Variants in OSCAR observed in about 807,000 individuals in gnomAD.
OSCAR encodes osteoclast-associated immunoglobulin-like receptor.
A neutral mutation model predicts 27.3 loss-of-function variants in OSCAR; 25 were observed. The observed-to-expected ratio is 0.92, with a 90% confidence interval of 0.67 to 1.28. The LOEUF is 1.28. Ranked by LOEUF, OSCAR falls within the 50% of genes most tolerant of loss-of-function variation. OSCAR has a pLI of 0.00. For synonymous variants in OSCAR, 158 were observed against 165.7 expected (o/e 0.95, Z 0.36); for missense variants, 354 against 355.1 (o/e 1.00, Z 0.03).
Position 54,095,159 on chromosome 19 carries a change from C to T in OSCAR, c.*62G>A, listed in dbSNP as rs1341214376. On this transcript the variant is annotated 3_prime_UTR_variant, in exon 5 of 5. Transcript: ENST00000358375. The stretch of plus-strand genomic sequence containing the variant: ...GGGGCTGCAGGAAAGGACAGTCCAG[C>T]CCAGGGTCCCAGCTTCTCCGCCACT... The T allele has an allele frequency of 1.3e-6, 2 of 1,566,846 alleles. No homozygotes were observed. The highest frequency in any genetic ancestry group is 1.3e-5 in the African/African-American group (1 of 74,220).
chr19:54,098,656 C>T (rs1460562371), intron 2 of OSCAR, among the ~76,000 whole-genome samples: 1 of 151,784 alleles, frequency 6.6e-6, no homozygotes, highest in African/African-American at 2.4e-5. Context: ...CGTACTCCAG[C>T]CCGGGTGACA....
intron 4 of OSCAR, chr19:54,095,636 G>C (rs1215417584): frequency 1.3e-5 from 13 of 1,030,842 alleles, no homozygotes; most frequent in Non-Finnish European, 1.6e-5. Context: ...GGAGGTACTG[G>C]GGCCCGGGAA....
rs776984181 is a variant in OSCAR at position 54,096,010 on chromosome 19, G to T, written c.517C>A (p.Arg173Ser). 6.3e-7 allele frequency: 1 copy of T among 1,578,602 alleles called. No individual in the cohort carries two copies. The highest frequency in any genetic ancestry group is 1.1e-5 in the South Asian group (1 of 87,046). Reference sequence around the variant, plus strand: ...TCGGCCCAGGGCTGCGCGGAGTGGCGGTACTGCAGCGGGGCCGCCACGCCC... The same window carrying T: ...TCGGCCCAGGGCTGCGCGGAGTGGCTGTACTGCAGCGGGGCCGCCACGCCC... ...REGVAAPLQY[R>S]HSAQPWADFT... The change falls in exon 4 of 5, where the codon CGC becomes AGC. Residue 173 changes from arginine (R) to serine (S), a missense_variant. Arg to Ser is a moderately radical substitution (Grantham distance 110). Transcript: ENST00000358375.
Position 54,099,773 on chromosome 19 carries a change from C to A in OSCAR, c.45G>T (p.Leu15=), listed in dbSNP as rs1336401767. Residue 15 remains leucine (L), a synonymous_variant, in exon 2 of 5, where the codon CTG becomes CTT. Coordinates refer to ENST00000358375, the MANE Select transcript of OSCAR (RefSeq NM_133169.6). ...LILQLLTLWP[L]CHTDITPSVP... is the part of the protein sequence containing the mutation. ...CAGACGGAGTGATGTCTGTGTGACA[C>A]AGAGGCCCTGTAGGAGGTTGAGGGA... 7 of 1,612,542 alleles carry A rather than the reference C, an allele frequency of 4.3e-6. No individual in the cohort carries two copies. In the African/African-American group the frequency reaches 9.4e-5, roughly 22 times the overall value.
In OSCAR at chr19:54,095,304, C is replaced by T. The variant is rs757736089; in HGVS notation, c.709G>A (p.Gly237Arg). 10 of 1,587,556 alleles carry T rather than the reference C, an allele frequency of 6.3e-6. No homozygotes were observed. The highest frequency in any genetic ancestry group is 4.0e-4 in the Middle Eastern group (2 of 5,042). Reference sequence around the variant, plus strand: ...GCGCCCAGGGAGATGAGGACCAGCCCGGCCAGCCCCAGGCGGACTAGGTTC... The same window carrying T: ...GCGCCCAGGGAGATGAGGACCAGCCTGGCCAGCCCCAGGCGGACTAGGTTC... ...RGNLVRLGLA[G>R]LVLISLGALV... The change falls in exon 5 of 5, where the codon GGG becomes AGG. Residue 237 changes from glycine (G) to arginine (R), a missense_variant. Coordinates refer to ENST00000358375, the MANE Select transcript of OSCAR (RefSeq NM_133169.6).
chr19:54,095,281 G>A lies in OSCAR; in HGVS notation c.732C>T (p.Gly244=), dbSNP rs915870054. 8 of 1,601,638 alleles carry A rather than the reference G, an allele frequency of 5.0e-6. No individual in the cohort carries two copies. The highest frequency in any genetic ancestry group is 1.8e-4 in the Middle Eastern group (1 of 5,418). Residue 244 remains glycine, a synonymous_variant, in exon 5 of 5, where the codon GGC becomes GGT. Transcript: ENST00000358375. The stretch of plus-strand genomic sequence containing the variant: ...TGCGCCAGTCAAAAGTGACCAGCGC[G>A]CCCAGGGAGATGAGGACCAGCCCGG... ...GLAGLVLISL[G]ALVTFDWRSQ...
intron 2 of OSCAR, among the ~76,000 whole-genome samples, chr19:54,099,143 A>G (rs1236225762): frequency 1.4e-5 from 2 of 146,956 alleles, no homozygotes; most frequent in Admixed American, 1.4e-4. Flanking sequence ...GCTTACTGCA[A>G]CCTCTGCCTC....
Position 54,095,365 on chromosome 19 carries a change from C to A in OSCAR, c.656-8G>T, listed in dbSNP as rs376083076. 1.2e-5 allele frequency: 18 copies of A among 1,553,100 alleles called. No individual in the cohort carries two copies. The highest frequency in any genetic ancestry group is 2.0e-5 in the Admixed American group (1 of 51,106). ...AGTCGGAGGAGCCAGAGTCTGCGGG[C>A]GGAGCCGGGAGAGAGGGGCCATCAG... On this transcript the variant is annotated splice_region_variant and splice_polypyrimidine_tract_variant and intron_variant, in intron 4 of 4. Transcript: ENST00000358375.
Position 54,096,000 on chromosome 19 carries a change from G to T in OSCAR, c.527C>A (p.Ala176Glu). Reference protein sequence around the residue: ...VAAPLQYRHSAQPWADFTLLG... With the variant: ...VAAPLQYRHSEQPWADFTLLG... ...CAGCGTGAAGTCGGCCCAGGGCTGC[G>T]CGGAGTGGCGGTACTGCAGCGGGGC... Residue 176 changes from alanine to glutamate, a missense_variant, in exon 4 of 5, where the codon GCG becomes GAG. Ala to Glu is a moderately radical substitution (Grantham distance 107). Coordinates refer to ENST00000358375, the MANE Select transcript of OSCAR (RefSeq NM_133169.6). 6.3e-7 allele frequency: 1 copy of T among 1,582,538 alleles called. No homozygotes were observed. The highest frequency in any genetic ancestry group is 8.6e-7 in the Non-Finnish European group (1 of 1,165,820).
rs2146272447 is a variant in OSCAR, at chr19:54,095,133, T to C, written c.*88A>G. 2 of 1,513,650 alleles carry C rather than the reference T, an allele frequency of 1.3e-6. No homozygotes were observed. Among genetic ancestry groups the C allele is most frequent in the East Asian group, 4.7e-5 (2 of 42,266 alleles). The allele number at this position is 1,513,650 out of a possible 1,614,324, so 93.8% of individuals were successfully genotyped here. Reference sequence around the variant, plus strand: ...CCGCGGAGCTCAGCCAGCAGGACTGTGGGGCTGCAGGAAAGGACAGTCCAG... The same window carrying C: ...CCGCGGAGCTCAGCCAGCAGGACTGCGGGGCTGCAGGAAAGGACAGTCCAG... On this transcript the variant is annotated 3_prime_UTR_variant, in exon 5 of 5. Coordinates refer to ENST00000358375, the MANE Select transcript of OSCAR (RefSeq NM_133169.6).
rs2072767637 is a variant in OSCAR at position 54,096,950 on chromosome 19, C to T, written c.285G>A (p.Gly95=). ...TTCGGTAGCAGCAGCGGTAACTTCC[C>T]CCTTGGGCTGGAGTCACCTCCTCCA... ...FFLEEVTPAQ[G]GSYRCCYRRP... The change falls in exon 3 of 5, where the codon GGG becomes GGA. Residue 95 remains glycine (G), a synonymous_variant. Coordinates refer to ENST00000358375, the MANE Select transcript of OSCAR (RefSeq NM_133169.6). The T allele has an allele frequency of 5.0e-6, 8 of 1,614,048 alleles. No homozygotes were observed. The highest frequency in any genetic ancestry group is 1.3e-5 in the African/African-American group (1 of 74,902).
rs2072560282 is a variant in OSCAR, at chr19:54,095,122, CA to C, written c.*98del. On this transcript the variant is annotated 3_prime_UTR_variant, in exon 5 of 5. Coordinates refer to ENST00000358375, the MANE Select transcript of OSCAR (RefSeq NM_133169.6). ...TAAGGACCGTTCCGCGGAGCTCAGC[CA>C]GCAGGACTGTGGGGCTGCAGGAAAG... is the stretch of plus-strand genomic sequence containing the variant. The C allele has an allele frequency of 6.7e-7, 1 of 1,493,536 alleles. No individual in the cohort carries two copies. Among genetic ancestry groups the C allele is most frequent in the Admixed American group, 2.3e-5 (1 of 43,456 alleles). 92.5% of individuals were successfully genotyped at this position (1,493,536 alleles called of 1,614,324 possible). A position where few individuals can be genotyped will look rare whatever the true frequency, so the allele number is the denominator to read the frequency against.
At chr19:54,099,004 A>C (rs754507893) in intron 2 of OSCAR, among the ~76,000 whole-genome samples, 39 of 151,968 alleles carry the variant, frequency 2.6e-4, no homozygotes, top group African/African-American at 8.9e-4. Flanking sequence ...TAAATAAATA[A>C]AATAAATAGG....
chr19:54,096,811 C>G (rs749958440), intron 3 of OSCAR, 51 bp downstream of exon 3: 8 of 1,570,670 alleles, frequency 5.1e-6, no homozygotes, highest in Non-Finnish European at 6.1e-6. Flanking sequence ...TCTGTCCCTC[C>G]CCCAACTCCC....
rs1356137783 is a variant in OSCAR at position 54,095,173 on chromosome 19, TTC to T, written c.*46_*47del. On this transcript the variant is annotated 3_prime_UTR_variant, in exon 5 of 5. Coordinates refer to ENST00000358375, the MANE Select transcript of OSCAR (RefSeq NM_133169.6). ...GGACAGTCCAGCCCAGGGTCCCAGC[TTC>T]TCCGCCACTCAGGTTGGAAGTCTCG... 1 of 1,588,364 alleles carries T rather than the reference TTC, an allele frequency of 6.3e-7. No homozygotes were observed. Among genetic ancestry groups the T allele is most frequent in the Non-Finnish European group, 8.6e-7 (1 of 1,166,938 alleles).
chr19:54,099,661 G>A, intron 2 of OSCAR, 87 bp downstream of exon 2: 1 of 1,613,692 alleles, frequency 6.2e-7, no homozygotes, highest in Non-Finnish European at 8.5e-7. Flanking sequence ...AGGATATCTG[G>A]GATGGGATTG....
Position 54,094,908 on chromosome 19 carries a change from G to A in OSCAR, c.*313C>T, listed in dbSNP as rs764620326. On this transcript the variant is annotated 3_prime_UTR_variant, in exon 5 of 5. Coordinates refer to ENST00000358375, the MANE Select transcript of OSCAR (RefSeq NM_133169.6). Reference sequence around the variant, plus strand: ...TCCAGGTCCCCATTCAACCCAGGAAGTCCAGCTGGCTTCACGTCTCACTAC... The same window carrying A: ...TCCAGGTCCCCATTCAACCCAGGAAATCCAGCTGGCTTCACGTCTCACTAC... The A allele has an allele frequency of 3.0e-6, 1 of 330,306 alleles. No individual in the cohort carries two copies. Among genetic ancestry groups the A allele is most frequent in the Non-Finnish European group, 5.5e-6 (1 of 183,090 alleles). 20.5% of individuals were successfully genotyped at this position (330,306 alleles called of 1,614,324 possible).
Position 54,097,060 on chromosome 19 carries a change from CGG to C in OSCAR, c.173_174del (p.Pro58ArgfsTer192), listed in dbSNP as rs2072780915. 5.6e-6 allele frequency: 9 copies of C among 1,614,164 alleles called. No individual in the cohort carries two copies. The highest frequency in any genetic ancestry group is 1.6e-4 in the Middle Eastern group (1 of 6,062). On this transcript the variant is annotated frameshift_variant, in exon 3 of 5. Coordinates refer to ENST00000358375, the MANE Select transcript of OSCAR (RefSeq NM_133169.6). LOFTEE classifies it high-confidence loss of function. ...NVTLRCRAPQ[P>X]AWRFGLFKPG... ...GGCTTGAAAAGTCCAAATCTCCAAGCGGGTTGGGGTGCCCGGCATCTCAAGGT... is the reference window on the plus strand; with the variant it reads ...GGCTTGAAAAGTCCAAATCTCCAAGCGTTGGGGTGCCCGGCATCTCAAGGT...
intron 2 of OSCAR, among the ~76,000 whole-genome samples, chr19:54,099,096 A>G (rs1325493952): frequency 6.6e-6 from 1 of 151,218 alleles, no homozygotes; most frequent in Non-Finnish European, 1.5e-5. Flanking sequence ...GGAGTCTTGC[A>G]CTGTCACCCA....
Sources: gnomAD v4.1 joint callset for allele counts (sites outside exome capture counted in the v4.1 genomes callset) on GRCh38, gnomAD v4.1.1 for gene constraint, MANE v1.5 for transcripts, NCBI Gene and HGNC (gene_info 2026-07-23, HGNC 2026-07-21) for gene names.